Variants in PRKG1 observed in about 807,000 individuals in gnomAD.
PRKG1 encodes the protein protein kinase cGMP-dependent 1.
A neutral mutation model predicts 88.1 loss-of-function variants in PRKG1; 35 were observed. The ratio of observed to expected loss-of-function variants is 0.40; its 90% CI spans 0.30 to 0.53. The LOEUF is 0.53. PRKG1 is among the 20% of genes least tolerant of loss of function. The pLI, the probability that PRKG1 is intolerant of heterozygous loss-of-function variation, is 0.59. For synonymous variants in PRKG1, 303 were observed against 292.5 expected (o/e 1.04, Z -0.37); for missense variants, 540 against 839.8 (o/e 0.64, Z 4.41).
chr10:51,321,378 T>C (rs211073), intron 2 of PRKG1, among the ~76,000 whole-genome samples: 5,102 of 152,248 alleles, frequency 0.034, 278 homozygotes, highest in African/African-American at 0.12. Context: ...AAACAATAAC[T>C]ATTAACCATA....
chr10:52,018,342 A>G (rs993702798), intron 5 of PRKG1, among the ~76,000 whole-genome samples: 12 of 152,238 alleles, frequency 7.9e-5, no homozygotes, highest in Admixed American at 6.5e-5. Context: ...GTTCATGGAC[A>G]CCATGACTAT....
intron 1 of PRKG1, among the ~76,000 whole-genome samples, chr10:51,060,692 T>C (rs1843682323): frequency 6.6e-6 from 1 of 152,174 alleles, no homozygotes; most frequent in Admixed American, 6.5e-5. Flanking sequence ...CTTTCTATGA[T>C]ACTTACATTT....
At chr10:51,271,429 C>A (rs188502128) in intron 2 of PRKG1, among the ~76,000 whole-genome samples, 30 of 152,078 alleles carry the variant, frequency 2.0e-4, no homozygotes, top group Non-Finnish European at 2.2e-4. Context: ...CTCTTTGTGA[C>A]AAACTTTGCA....
chr10:51,849,496 T>G (rs1383817056), intron 4 of PRKG1, among the ~76,000 whole-genome samples: 1 of 152,210 alleles, frequency 6.6e-6, no homozygotes, highest in Non-Finnish European at 1.5e-5. Flanking sequence ...GATTCTTACC[T>G]GATTACTCAG....
chr10:52,049,114 T>C (rs1845929560), intron 5 of PRKG1, among the ~76,000 whole-genome samples: 1 of 152,200 alleles, frequency 6.6e-6, no homozygotes, highest in African/African-American at 2.4e-5. Flanking sequence ...CATTAAAGCA[T>C]GCAGGAGCAT....
At chr10:51,867,235 G>T (rs926195857) in intron 4 of PRKG1, among the ~76,000 whole-genome samples, 7 of 152,164 alleles carry the variant, frequency 4.6e-5, no homozygotes, top group Non-Finnish European at 8.8e-5. Context: ...AGACTATAAA[G>T]GCAGGTGGAA....
At chr10:51,955,693 G>A (rs555683743) in intron 5 of PRKG1, among the ~76,000 whole-genome samples, 9 of 152,204 alleles carry the variant, frequency 5.9e-5, no homozygotes, top group Admixed American at 2.0e-4. Context: ...CATTATTCAT[G>A]TTCTCTTAAT....
chr10:51,897,336 G>A (rs961332881), intron 4 of PRKG1, among the ~76,000 whole-genome samples: 12 of 152,212 alleles, frequency 7.9e-5, no homozygotes, highest in African/African-American at 2.9e-4. Flanking sequence ...GCACTAATTT[G>A]ATGCAGAGAT....
At chr10:52,280,985 AAAAC>A in intron 13 of PRKG1, 55 bp downstream of exon 13, 2 of 1,549,916 alleles carry the variant, frequency 1.3e-6, no homozygotes, top group Non-Finnish European at 8.8e-7. Flanking sequence ...ATTTGTTTAT[AAAAC>A]TGTGTTCATT....
At chr10:51,577,100 T>C (rs1564557719) in intron 3 of PRKG1, among the ~76,000 whole-genome samples, 1 of 152,026 alleles carries the variant, frequency 6.6e-6, no homozygotes, top group East Asian at 1.9e-4. Context: ...AATGTTATAG[T>C]ACAGTGTGGA....
intron 2 of PRKG1, among the ~76,000 whole-genome samples, chr10:51,341,892 G>T (rs1429391762): frequency 6.6e-6 from 1 of 152,126 alleles, no homozygotes; most frequent in Non-Finnish European, 1.5e-5. Context: ...TTGTGCAGGG[G>T]AACTCCCATT....
At chr10:51,315,929 A>G (rs1841305824) in intron 2 of PRKG1, among the ~76,000 whole-genome samples, 1 of 152,170 alleles carries the variant, frequency 6.6e-6, no homozygotes, top group Non-Finnish European at 1.5e-5. Context: ...GCCTGTTTAT[A>G]TCACATTTAA....
At chr10:51,104,702 A>AT (rs779596356) in intron 1 of PRKG1, among the ~76,000 whole-genome samples, 29 of 116,980 alleles carry the variant, frequency 2.5e-4, no homozygotes, top group African/African-American at 7.4e-4. Context: ...TTTTTATTTT[A>AT]TTTATTTATT....
rs766656972 is a variant in PRKG1 at position 51,850,621 on chromosome 10, A to G, written c.698+45931A>G. 1.5e-4 allele frequency among the ~76,000 whole-genome samples: 23 copies of G among 152,280 alleles called. No individual in the cohort carries two copies. The South Asian group carries it at 2.9e-3, about 19-fold the overall frequency. ...CATATCATAAAGAGCAATCTCCTTA[A>G]TATGTAAAGAGTTTCTTGAAATAAA... is the stretch of plus-strand genomic sequence containing the variant. On this transcript the variant is annotated intron_variant, in intron 4 of 17. Coordinates refer to ENST00000373980, the MANE Select transcript of PRKG1 (RefSeq NM_006258.4).
chr10:52,177,242 C>T (rs1838891035), intron 9 of PRKG1, among the ~76,000 whole-genome samples: 1 of 152,036 alleles, frequency 6.6e-6, no homozygotes, highest in South Asian at 2.1e-4. Context: ...TTCTCACATG[C>T]TTTTTCTGCA....
intron 1 of PRKG1, among the ~76,000 whole-genome samples, chr10:51,137,180 G>A (rs2131947642): frequency 6.6e-6 from 1 of 152,092 alleles, no homozygotes; most frequent in South Asian, 2.1e-4. Context: ...TACCGCACCC[G>A]GCCTAATTAA....
intron 7 of PRKG1, among the ~76,000 whole-genome samples, chr10:52,131,758 G>T (rs11000875): frequency 0.34 from 48,231 of 140,056 alleles, 8,278 homozygotes; most frequent in African/African-American, 0.42. Flanking sequence ...GGAGACGGAG[G>T]TTGCAGTGAG....
chr10:51,247,443 A>G (rs1839319817), intron 2 of PRKG1, among the ~76,000 whole-genome samples: 1 of 151,994 alleles, frequency 6.6e-6, no homozygotes, highest in Admixed American at 6.6e-5. Context: ...TATGCATATG[A>G]GGAGAAGGAA....
chr10:52,088,364 A>T (rs1377693346), intron 7 of PRKG1, among the ~76,000 whole-genome samples: 1 of 150,588 alleles, frequency 6.6e-6, no homozygotes, highest in Non-Finnish European at 1.5e-5. Context: ...AATTGATATT[A>T]TTTTATATAT....
Sources: allele counts gnomAD v4.1 joint callset (sites outside exome capture counted in the v4.1 genomes callset), GRCh38; gene constraint gnomAD v4.1.1; transcripts MANE v1.5; gene names NCBI Gene and HGNC (gene_info 2026-07-23, HGNC 2026-07-21).